The following CLCN6 variants were observed in gnomAD, a reference collection of about 807,000 sequenced individuals.
CLCN6 encodes the protein H(+)/Cl(-) exchange transporter 6.
A neutral mutation model predicts 109.8 loss-of-function variants in CLCN6; 70 were observed. The observed-to-expected ratio is 0.64, with a 90% CI of 0.53 to 0.78. The LOEUF is 0.78. CLCN6 is among the 30% of genes least tolerant of loss of function. The pLI is 0.00. For missense variants in CLCN6, 984 were observed against 1,142.3 expected (o/e 0.86, Z 2.00); for synonymous variants, 444 against 447.8 (o/e 0.99, Z 0.11).
intron 12 of CLCN6, among the ~76,000 whole-genome samples, chr1:11,828,825 G>A (rs1242392115): frequency 1.3e-5 from 2 of 152,184 alleles, no homozygotes; most frequent in Non-Finnish European, 2.9e-5. Flanking sequence ...CAGAGTTGCT[G>A]GTTGACTCCC....
At chr1:11,806,564 C>G in intron 1 of CLCN6, 1 of 467,670 alleles carries the variant, frequency 2.1e-6, no homozygotes, top group Admixed American at 4.4e-5. Flanking sequence ...AGGGAGAATC[C>G]AGGCCAGCTC....
At chr1:11,825,645 C>T (rs563158029) in intron 8 of CLCN6, among the ~76,000 whole-genome samples, 11 of 152,218 alleles carry the variant, frequency 7.2e-5, no homozygotes, top group South Asian at 2.1e-4. Flanking sequence ...TTTTTTGAGA[C>T]GGAGTCTCAC....
intron 18 of CLCN6, among the ~76,000 whole-genome samples, chr1:11,836,718 G>C (rs1644954601): frequency 6.6e-6 from 1 of 152,142 alleles, no homozygotes; most frequent in Non-Finnish European, 1.5e-5. Context: ...CACGTTGATT[G>C]AAAATTCTAT....
rs1354089902 is a variant in CLCN6 at position 11,830,762 on chromosome 1, T to TAC, written c.1248+1441_1248+1442insCA. Reference sequence around the variant, plus strand: ...TTATATATATATATATATATATATATATACACACACACACTATATATACAC... The same window carrying TAC: ...TTATATATATATATATATATATATATACATACACACACACACTATATATACAC... On this transcript the variant is annotated intron_variant, in intron 13 of 22. Transcript: ENST00000346436. Among the ~76,000 whole-genome samples the TAC allele has an allele frequency of 2.0e-3, 267 of 134,874 alleles. 2 individuals are homozygous for TAC. The highest frequency in any genetic ancestry group is 8.2e-3 in the African/African-American group (261 of 31,966). The allele number at this position is 134,874 out of a possible 152,430, so 88.5% of individuals were successfully genotyped here.
intron 13 of CLCN6, among the ~76,000 whole-genome samples, chr1:11,831,388 C>G (rs905232033): frequency 2.6e-5 from 4 of 152,082 alleles, no homozygotes; most frequent in African/African-American, 7.2e-5. Context: ...AACTCCTGAC[C>G]TTGTGATCCG....
At chr1:11,829,481 A>T (rs919868600) in intron 13 of CLCN6, among the ~76,000 whole-genome samples, 159 bp downstream of exon 13, 1 of 152,290 alleles carries the variant, frequency 6.6e-6, no homozygotes, top group East Asian at 1.9e-4. Context: ...TCGTCTTTTT[A>T]CCTCAGAGAA....
In CLCN6 at chr1:11,820,252, T is replaced by C. The variant is rs951772888; in HGVS notation, c.346+698T>C. The C allele has an allele frequency of 6.3e-6, 4 of 630,866 alleles. No individual in the cohort carries two copies. In the East Asian group the frequency reaches 8.4e-5, roughly 13 times the overall value. 39.1% of individuals were successfully genotyped at this position (630,866 alleles called of 1,614,324 possible). On this transcript the variant is annotated intron_variant, in intron 5 of 22. Coordinates refer to ENST00000346436, the MANE Select transcript of CLCN6 (RefSeq NM_001286.5). The stretch of plus-strand genomic sequence containing the variant: ...AGGAGTTTGAGGCTGTAATGCACCA[T>C]GACTGTGCCTGGGCAGCATAGCAAG...
intron 21 of CLCN6, 23 bp downstream of exon 21, chr1:11,838,465 G>T (rs1260438481): frequency 6.2e-7 from 1 of 1,612,046 alleles, no homozygotes; most frequent in East Asian, 2.2e-5. Flanking sequence ...GCCCCGGCCT[G>T]TCCCATGCGG....
At chr1:11,830,979 AC>A (rs1644877342) in intron 13 of CLCN6, among the ~76,000 whole-genome samples, 2 of 151,412 alleles carry the variant, frequency 1.3e-5, no homozygotes, top group African/African-American at 4.9e-5. Flanking sequence ...GATTACAGGC[AC>A]CCACCACCAT....
At chr1:11,833,713 C>G in intron 14 of CLCN6, 75 bp downstream of exon 14, 1 of 1,594,864 alleles carries the variant, frequency 6.3e-7, no homozygotes, top group Non-Finnish European at 8.5e-7. Context: ...CCCTTCATTC[C>G]AAGCAAGACC....
intron 7 of CLCN6, among the ~76,000 whole-genome samples, chr1:11,824,160 G>A (rs1644782002): frequency 6.6e-6 from 1 of 152,218 alleles, no homozygotes; most frequent in Admixed American, 6.5e-5. Flanking sequence ...AAGCTCTTAT[G>A]TAGATGTTTA....
intron 7 of CLCN6, 143 bp from the exon 8 acceptor site, chr1:11,824,343 G>T: frequency 1.8e-6 from 1 of 543,322 alleles, no homozygotes; most frequent in Non-Finnish European, 3.2e-6. Flanking sequence ...GAGCTTATTT[G>T]GTGGGAATTT....
chr1:11,839,578 T>C (rs528705), intron 22 of CLCN6, among the ~76,000 whole-genome samples: 28,973 of 152,110 alleles, frequency 0.19, 3,703 homozygotes, highest in African/African-American at 0.36. Flanking sequence ...TTTTCTTCTA[T>C]GCGGCACAAC....
Position 11,843,118 on chromosome 1 carries a change from T to A in CLCN6, c.*2895T>A, listed in dbSNP as rs1242876485. On this transcript the variant is annotated 3_prime_UTR_variant, in exon 23 of 23. Transcript: ENST00000346436. ...GTAACCCTAACATGTGAGAATAAAA[T>A]GTCTTCTGTCTCCTCTGTCTCCTTT... 1 of 152,244 alleles carries A rather than the reference T, an allele frequency of 6.6e-6. No homozygotes were observed. Among genetic ancestry groups the A allele is most frequent in the African/African-American group, 2.4e-5 (1 of 41,460 alleles). 9.4% of individuals were successfully genotyped at this position (152,244 alleles called of 1,614,324 possible).
intron 12 of CLCN6, 112 bp from the exon 13 acceptor site, chr1:11,829,084 T>C: frequency 2.4e-6 from 3 of 1,240,788 alleles, no homozygotes; most frequent in Non-Finnish European, 3.4e-6. Context: ...CAGGGGCTGC[T>C]GTGAATGCTG....
intron 13 of CLCN6, 141 bp downstream of exon 13, chr1:11,829,463 A>G: frequency 9.9e-7 from 1 of 1,012,634 alleles, no homozygotes. Context: ...AGATATGGGA[A>G]TCTGTAGTCG....
In CLCN6 at chr1:11,829,212, C is replaced by T. The variant is rs1201219492; in HGVS notation, c.1138C>T (p.Leu380Phe). 6.2e-7 allele frequency: 1 copy of T among 1,614,014 alleles called. No homozygotes were observed. The highest frequency in any genetic ancestry group is 2.2e-5 in the East Asian group (1 of 44,884). Reference sequence around the variant, plus strand: ...GCCTCCTAGAGTCTTAGAGAGCCTCCTTGTGTCTCTGGTAACCACCGTGGT... The same window carrying T: ...GCCTCCTAGAGTCTTAGAGAGCCTCTTTGTGTCTCTGGTAACCACCGTGGT... ...PKLVRVLESL[L>F]VSLVTTVVVF... The change falls in exon 13 of 23, where the codon CTT becomes TTT. Residue 380 changes from leucine to phenylalanine, a missense_variant. Transcript: ENST00000346436.
intron 13 of CLCN6, among the ~76,000 whole-genome samples, chr1:11,831,518 T>G (rs1163584378): frequency 6.6e-6 from 1 of 152,192 alleles, no homozygotes; most frequent in Non-Finnish European, 1.5e-5. Flanking sequence ...TGTACATCAC[T>G]GGCAACTTCT....
rs766271354 is a variant in CLCN6, at chr1:11,815,961, G to A, written c.213+50G>A. 9.7e-6 allele frequency: 14 copies of A among 1,440,734 alleles called. No individual in the cohort carries two copies. In the South Asian group the frequency reaches 1.3e-4, roughly 13 times the overall value. 89.2% of individuals were successfully genotyped at this position (1,440,734 alleles called of 1,614,324 possible). ...TGGGGATCAAATCAGTCTTAACATGGCATTTTTTTTCTCTTCTAAAGGCCC... is the reference window on the plus strand; with the variant it reads ...TGGGGATCAAATCAGTCTTAACATGACATTTTTTTTCTCTTCTAAAGGCCC... On this transcript the variant is annotated intron_variant, in intron 3 of 22. Transcript: ENST00000346436.
Sources: gnomAD v4.1 joint callset for allele counts (sites outside exome capture counted in the v4.1 genomes callset) on GRCh38, gnomAD v4.1.1 for gene constraint, MANE v1.5 for transcripts, NCBI Gene and HGNC (gene_info 2026-07-23, HGNC 2026-07-21) for gene names.